The following TMEM132C variants were observed in gnomAD, a reference collection of about 807,000 sequenced individuals.
TMEM132C encodes protein phosphatase 1, regulatory subunit 152.
Under a neutral mutation model 61.4 loss-of-function variants are expected in TMEM132C, and 29 were observed. The observed-to-expected ratio is 0.47, with a 90% CI of 0.35 to 0.64. TMEM132C has a LOEUF of 0.64. Ranked by LOEUF, TMEM132C falls within the 30% of genes least tolerant of loss-of-function variation. TMEM132C has a pLI of 0.00. For synonymous variants in TMEM132C, 656 were observed against 633.1 expected (o/e 1.04, Z -0.54); for missense variants, 1,408 against 1,476.9 (o/e 0.95, Z 0.76).
At chr12:128,314,632 G>A (rs1339164623) in intron 1 of TMEM132C, among the ~76,000 whole-genome samples, 2 of 152,136 alleles carry the variant, frequency 1.3e-5, no homozygotes, top group Non-Finnish European at 2.9e-5. Flanking sequence ...TAACTGGTAT[G>A]TTTATAAGGA....
intron 8 of TMEM132C, among the ~76,000 whole-genome samples, chr12:128,702,783 G>A (rs1954812885): frequency 6.6e-6 from 1 of 152,218 alleles, no homozygotes; most frequent in Non-Finnish European, 1.5e-5. Context: ...AAGCTTTGCT[G>A]CTGTATCTCT....
Position 128,661,900 on chromosome 12 carries a change from G to A in TMEM132C, c.1306-7517G>A, listed in dbSNP as rs139748457. Among the ~76,000 whole-genome samples the A allele has an allele frequency of 3.6e-3, 554 of 152,120 alleles. 1 individual carries two copies. The highest frequency in any genetic ancestry group is 5.6e-3 in the Non-Finnish European group (380 of 67,990). On this transcript the variant is annotated intron_variant, in intron 4 of 8. Transcript: ENST00000435159. ...ACGTGCTTTTGTATAAAACATAAAA[G>A]CAAAAGACAATACCATATTTTCTTT...
chr12:128,417,969 GT>G (rs1649514537), intron 2 of TMEM132C, among the ~76,000 whole-genome samples: 1 of 152,124 alleles, frequency 6.6e-6, no homozygotes, highest in South Asian at 2.1e-4. Flanking sequence ...GTAAGACTTA[GT>G]CACATTAAAG....
At chr12:128,369,304 T>C (rs1413491604) in intron 1 of TMEM132C, among the ~76,000 whole-genome samples, 2 of 152,252 alleles carry the variant, frequency 1.3e-5, no homozygotes, top group Non-Finnish European at 2.9e-5. Flanking sequence ...CTCAATACAA[T>C]GTTTTTTTAG....
intron 1 of TMEM132C, among the ~76,000 whole-genome samples, chr12:128,376,824 T>G (rs1229254297): frequency 6.6e-6 from 1 of 152,218 alleles, no homozygotes; most frequent in East Asian, 1.9e-4. Flanking sequence ...TAAACCTGTT[T>G]TTCCTCACAG....
chr12:128,412,301 C>T (rs1868586212), intron 1 of TMEM132C, among the ~76,000 whole-genome samples: 1 of 152,188 alleles, frequency 6.6e-6, no homozygotes, highest in Non-Finnish European at 1.5e-5. Context: ...CTTTTCTCCC[C>T]ATCTTCAGCC....
intron 5 of TMEM132C, among the ~76,000 whole-genome samples, chr12:128,691,155 A>G (rs7315330): frequency 0.18 from 27,381 of 152,234 alleles, 3,062 homozygotes; most frequent in East Asian, 0.29. Flanking sequence ...TAACTCAGAA[A>G]TACTCCACTA....
At chr12:128,462,825 TG>T (rs1870584356) in intron 2 of TMEM132C, among the ~76,000 whole-genome samples, 2 of 152,136 alleles carry the variant, frequency 1.3e-5, no homozygotes, top group South Asian at 4.1e-4. Context: ...AGAGCCCCAG[TG>T]TGGGTGCAAC....
intron 1 of TMEM132C, among the ~76,000 whole-genome samples, chr12:128,340,579 T>C (rs1228515321): frequency 1.3e-5 from 2 of 152,182 alleles, no homozygotes; most frequent in Non-Finnish European, 2.9e-5. Context: ...ATCAGCAGTC[T>C]TCATTGATCT....
chr12:128,679,916 G>A (rs1954620459), intron 5 of TMEM132C, among the ~76,000 whole-genome samples: 1 of 152,128 alleles, frequency 6.6e-6, no homozygotes, highest in Admixed American at 6.5e-5. Context: ...GCTTCTCTGG[G>A]GAGGTAGCAT....
At chr12:128,612,674 C>T (rs10847656) in intron 3 of TMEM132C, among the ~76,000 whole-genome samples, 9,203 of 152,220 alleles carry the variant, frequency 0.06, 656 homozygotes, top group East Asian at 0.21. Flanking sequence ...GTCCAGTGCC[C>T]GGCACATAGT....
intron 2 of TMEM132C, among the ~76,000 whole-genome samples, chr12:128,542,661 A>G (rs1294598270): frequency 6.6e-6 from 1 of 151,914 alleles, no homozygotes; most frequent in East Asian, 2.0e-4. Context: ...GGATATTGAG[A>G]CCATCCTGGC....
intron 4 of TMEM132C, among the ~76,000 whole-genome samples, chr12:128,647,419 G>T (rs994327134): frequency 4.0e-5 from 6 of 151,778 alleles, no homozygotes; most frequent in African/African-American, 1.5e-4. Flanking sequence ...TTGGATGAGT[G>T]TGTTTACTAG....
intron 2 of TMEM132C, among the ~76,000 whole-genome samples, chr12:128,525,177 C>CT (rs1457271437): frequency 6.6e-6 from 1 of 152,172 alleles, no homozygotes; most frequent in Admixed American, 6.5e-5. Context: ...CATGATTGGT[C>CT]TAATTCCAAT....
intron 1 of TMEM132C, among the ~76,000 whole-genome samples, chr12:128,365,430 ATTAG>A (rs749467394): frequency 7.2e-5 from 11 of 152,164 alleles, no homozygotes; most frequent in Admixed American, 2.0e-4. Flanking sequence ...TATTACTATT[ATTAG>A]TTCTATTATA....
At chr12:128,370,176 C>T (rs1193966279) in intron 1 of TMEM132C, among the ~76,000 whole-genome samples, 1 of 152,124 alleles carries the variant, frequency 6.6e-6, no homozygotes, top group Non-Finnish European at 1.5e-5. Context: ...CAGCAAGCCC[C>T]CTGCCAGTCT....
At chr12:128,600,486 C>T (rs754032853) in intron 3 of TMEM132C, among the ~76,000 whole-genome samples, 1 of 152,168 alleles carries the variant, frequency 6.6e-6, no homozygotes, top group Non-Finnish European at 1.5e-5. Context: ...TTAATACAGA[C>T]TCATACCCCT....
intron 3 of TMEM132C, among the ~76,000 whole-genome samples, chr12:128,556,644 C>G (rs1260294384): frequency 2.0e-5 from 3 of 152,138 alleles, no homozygotes; most frequent in Non-Finnish European, 4.4e-5. Flanking sequence ...ACTCATAGTG[C>G]TGAGCAGAAG....
intron 2 of TMEM132C, among the ~76,000 whole-genome samples, chr12:128,496,528 A>C (rs1357374483): frequency 6.6e-6 from 1 of 151,994 alleles, no homozygotes; most frequent in South Asian, 2.1e-4. Context: ...GGCTTTATTC[A>C]TTTCTTTTTA....
Sources: allele counts gnomAD v4.1 joint callset (sites outside exome capture counted in the v4.1 genomes callset), GRCh38; gene constraint gnomAD v4.1.1; transcripts MANE v1.5; gene names NCBI Gene and HGNC (gene_info 2026-07-23, HGNC 2026-07-21).